The following LAMC1 variants were observed in gnomAD, a reference collection of about 807,000 sequenced individuals.
LAMC1 encodes laminin subunit gamma 1.
Under a neutral mutation model 173.6 loss-of-function variants are expected in LAMC1, and 38 were observed. That is an observed-to-expected ratio of 0.22 (90% CI 0.17 to 0.29). The LOEUF (loss-of-function observed/expected upper bound fraction) is 0.29. Among genes scored for constraint, LAMC1 ranks in the 10% least tolerant of loss-of-function variants. The probability of loss-of-function intolerance (pLI) is 1.00; values close to 1 mark genes in which losing one functional copy is unlikely to be tolerated. For synonymous variants in LAMC1, 746 were observed against 749.1 expected (o/e 1.00, Z 0.07); for missense variants, 1,824 against 2,051.8 (o/e 0.89, Z 2.14).
At chr1:183,040,083 G>C (rs1412837328) in intron 1 of LAMC1, among the ~76,000 whole-genome samples, 4 of 152,206 alleles carry the variant, frequency 2.6e-5, no homozygotes, top group Non-Finnish European at 5.9e-5. Flanking sequence ...CACATCTCTA[G>C]TGGTTTTCAA....
chr1:183,088,508 G>T (rs1486448263), intron 1 of LAMC1, among the ~76,000 whole-genome samples: 1 of 152,204 alleles, frequency 6.6e-6, no homozygotes, highest in Non-Finnish European at 1.5e-5. Flanking sequence ...TTTCAATTGT[G>T]TATGTATGTG....
At position 183,119,899 on chromosome 1, in the gene LAMC1, G is replaced by A. The variant is rs567533618; in HGVS notation, c.1990+1753G>A. Reference sequence around the variant, plus strand: ...AGAAGTGTTAAAACTGTCCAGGCGTGGTAACTCATGCCTGTAATTCCAGTA... The same window carrying A: ...AGAAGTGTTAAAACTGTCCAGGCGTAGTAACTCATGCCTGTAATTCCAGTA... On this transcript the variant is annotated intron_variant, in intron 11 of 27. Transcript: ENST00000258341. 9.7e-4 allele frequency among the ~76,000 whole-genome samples: 148 copies of A among 152,190 alleles called. 1 individual carries two copies. The highest frequency in any genetic ancestry group is 1.1e-3 in the Non-Finnish European group (78 of 68,006).
Position 183,134,469 on chromosome 1 carries a change from A to G in LAMC1, c.3850-191A>G, listed in dbSNP as rs3768615. ...TGCATTTGTCAAAACTCATCAAACTATATGTGGATTCTGTGAACTTCAGTG... is the reference window on the plus strand; with the variant it reads ...TGCATTTGTCAAAACTCATCAAACTGTATGTGGATTCTGTGAACTTCAGTG... On this transcript the variant is annotated intron_variant, in intron 22 of 27. Transcript: ENST00000258341. Among the ~76,000 whole-genome samples, 78,746 of 152,002 alleles carry G rather than the reference A, an allele frequency of 0.52. 21,091 individuals carry two copies. Among genetic ancestry groups the G allele is most frequent in the South Asian group, 0.65 (3,143 of 4,830 alleles).
chr1:183,138,060 A>T, intron 26 of LAMC1: 3 of 296,870 alleles, frequency 1.0e-5, no homozygotes, highest in Non-Finnish European at 1.5e-5. Context: ...AAAGTAAAAC[A>T]TTGCTTTACA....
intron 4 of LAMC1, among the ~76,000 whole-genome samples, chr1:183,113,229 A>G (rs189621376): frequency 5.0e-4 from 76 of 152,282 alleles, no homozygotes; most frequent in Non-Finnish European, 1.0e-3. Context: ...CAGGAGGAGG[A>G]TCACGTGAGC....
In LAMC1 at chr1:183,024,003, A is replaced by C. The variant is rs759363262; in HGVS notation, c.287A>C (p.Gln96Pro). The change falls in exon 1 of 28, where the codon CAG (glutamine) becomes CCG (proline). Residue 96 changes from glutamine (Q) to proline (P), a missense_variant. Physicochemically the swap from Gln to Pro is moderately conservative, Grantham distance 76. Transcript: ENST00000258341. Reference sequence around the variant, plus strand: ...TCCTGTCACCTGTGCGACGCCGGGCAGCCCCACCTGCAGCACGGGGCAGCC... The same window carrying C: ...TCCTGTCACCTGTGCGACGCCGGGCCGCCCCACCTGCAGCACGGGGCAGCC... Reference protein sequence around the residue: ...TKSCHLCDAGQPHLQHGAAFL... With the variant: ...TKSCHLCDAGPPHLQHGAAFL... The C allele has an allele frequency of 8.1e-6, 13 of 1,613,168 alleles. No homozygotes were observed. The highest frequency in any genetic ancestry group is 1.0e-5 in the Non-Finnish European group (12 of 1,179,922).
intron 4 of LAMC1, among the ~76,000 whole-genome samples, chr1:183,111,459 C>A (rs532237944): frequency 2.0e-5 from 3 of 152,154 alleles, no homozygotes; most frequent in Admixed American, 2.0e-4. Context: ...TTTTCCCACT[C>A]CCCTGTTGGA....
At chr1:183,085,357 GT>G (rs1279166632) in intron 1 of LAMC1, among the ~76,000 whole-genome samples, 1 of 151,598 alleles carries the variant, frequency 6.6e-6, no homozygotes, top group Non-Finnish European at 1.5e-5. Flanking sequence ...TTTTTTGTTT[GT>G]TTTCTTGTTT....
At chr1:183,067,475 T>TTTGTTG (rs373552407) in intron 1 of LAMC1, among the ~76,000 whole-genome samples, 10 of 151,800 alleles carry the variant, frequency 6.6e-5, no homozygotes, top group Admixed American at 2.0e-4. Flanking sequence ...CATATATATT[T>TTTGTTG]TTGTTGTTGT....
intron 2 of LAMC1, among the ~76,000 whole-genome samples, chr1:183,107,289 G>T (rs1330064109): frequency 1.3e-5 from 2 of 152,156 alleles, no homozygotes; most frequent in Non-Finnish European, 2.9e-5. Context: ...GGGAAGGTGT[G>T]TGTGGAAAAA....
At chr1:183,046,479 C>T (rs563860746) in intron 1 of LAMC1, among the ~76,000 whole-genome samples, 2 of 152,134 alleles carry the variant, frequency 1.3e-5, no homozygotes, top group South Asian at 4.1e-4. Context: ...TTTATATCTT[C>T]TCTGTTTAAC....
At chr1:183,074,131 A>G (rs564438102) in intron 1 of LAMC1, among the ~76,000 whole-genome samples, 12 of 152,324 alleles carry the variant, frequency 7.9e-5, no homozygotes, top group African/African-American at 2.6e-4. Context: ...AAATTATGCA[A>G]TTATTCAAAT....
rs1271695157 is a variant in LAMC1, at chr1:183,103,292, G to A, written c.419-36G>A. The A allele has an allele frequency of 9.5e-6, 15 of 1,581,868 alleles. No individual in the cohort carries two copies. In the East Asian group the frequency reaches 1.1e-4, roughly 12 times the overall value. On this transcript the variant is annotated intron_variant, in intron 1 of 27. Coordinates refer to ENST00000258341, the MANE Select transcript of LAMC1 (RefSeq NM_002293.4). ...TAGAGGGCATTTGTTTGCTTCATAC[G>A]TATGATTTATGACCTTTGATGTGTT...
intron 1 of LAMC1, among the ~76,000 whole-genome samples, chr1:183,067,144 C>T (rs1047090040): frequency 6.6e-6 from 1 of 151,944 alleles, no homozygotes; most frequent in Admixed American, 6.6e-5. Context: ...TAAAAAGGAA[C>T]AATATTTTCT....
intron 1 of LAMC1, among the ~76,000 whole-genome samples, chr1:183,059,771 T>A (rs1433668908): frequency 6.6e-6 from 1 of 152,160 alleles, no homozygotes; most frequent in Non-Finnish European, 1.5e-5. Flanking sequence ...GGATCGTGTG[T>A]GGCATATTCG....
chr1:183,140,245 C>CAAAAAAAAAAAAA (rs56152259), intron 26 of LAMC1, among the ~76,000 whole-genome samples, 159 bp from the exon 27 acceptor site: 892 of 52,736 alleles, frequency 0.017, 118 homozygotes, highest in Non-Finnish European at 0.021. Flanking sequence ...GCAGCCCCAC[C>CAAAAAAAAAAAAA]AAAAAAAAAA....
chr1:183,044,954 CCTT>C (rs571740467), intron 1 of LAMC1, among the ~76,000 whole-genome samples: 99 of 151,760 alleles, frequency 6.5e-4, no homozygotes, highest in African/African-American at 2.1e-3. Flanking sequence ...TCCACTAAAG[CCTT>C]CTTCTTGTCA....
intron 1 of LAMC1, among the ~76,000 whole-genome samples, chr1:183,050,281 C>CTTTT (rs892649686): frequency 1.6e-4 from 18 of 115,510 alleles, no homozygotes; most frequent in African/African-American, 2.7e-4. Flanking sequence ...TTCTCAGATT[C>CTTTT]TTTTTTTTTT....
chr1:183,050,029 A>T (rs1367957340), intron 1 of LAMC1, among the ~76,000 whole-genome samples: 1 of 152,118 alleles, frequency 6.6e-6, no homozygotes, highest in Non-Finnish European at 1.5e-5. Flanking sequence ...TGTGCTAAAG[A>T]TGTCGTTCCC....
Sources: allele counts gnomAD v4.1 joint callset (sites outside exome capture counted in the v4.1 genomes callset), GRCh38; gene constraint gnomAD v4.1.1; transcripts MANE v1.5; gene names NCBI Gene and HGNC (gene_info 2026-07-23, HGNC 2026-07-21).